DST: variants seen among roughly 807,000 people sequenced by gnomAD.
DST encodes the protein bullous pemphigoid antigen.
Under a neutral mutation model 875.2 loss-of-function variants are expected in DST, and 253 were observed. That is an observed-to-expected ratio of 0.29 (90% CI 0.26 to 0.32). DST has a LOEUF of 0.32. Ranked by LOEUF, DST falls within the 10% of genes least tolerant of loss-of-function variation. The pLI is 1.00. For missense variants in DST, 8,287 were observed against 9,111.6 expected (o/e 0.91, Z 3.68); for synonymous variants, 3,124 against 3,197.1 (o/e 0.98, Z 0.77).
chr6:56,700,715 T>C (rs1418529973), intron 8 of DST, among the ~76,000 whole-genome samples: 5 of 152,140 alleles, frequency 3.3e-5, no homozygotes, highest in Non-Finnish European at 5.9e-5. Context: ...TGAATTTAAA[T>C]ACTGAGAATT....
chr6:56,481,468 T>C (rs911027017), intron 90 of DST, among the ~76,000 whole-genome samples: 3 of 152,228 alleles, frequency 2.0e-5, no homozygotes, highest in African/African-American at 7.2e-5. Flanking sequence ...ACTTGGTTAG[T>C]TATTCAATAG....
At chr6:56,730,320 C>T (rs141879025) in intron 5 of DST, among the ~76,000 whole-genome samples, 332 of 152,236 alleles carry the variant, frequency 2.2e-3, no homozygotes, top group African/African-American at 7.5e-3. Flanking sequence ...CTAATGATAG[C>T]TGTTAACATA....
rs778787827 is a variant in DST at position 56,592,340 on chromosome 6, T to C, written c.12745A>G (p.Asn4249Asp). 6.3e-7 allele frequency: 1 copy of C among 1,597,242 alleles called. No homozygotes were observed. Among genetic ancestry groups the C allele is most frequent in the East Asian group, 2.2e-5 (1 of 44,476 alleles). ...TATTTATCCACCAGATCTTTAAGATTATTTCCAAGAACATTGCACTAACAA... is the reference window on the plus strand; with the variant it reads ...TATTTATCCACCAGATCTTTAAGATCATTTCCAAGAACATTGCACTAACAA... ...LYSKCNVLGN[N>D]LKDLVDKYQH... is the part of the protein sequence containing the mutation. The change falls in exon 49 of 104, where the codon AAT becomes GAT. Residue 4249 changes from asparagine (N) to aspartate (D), a missense_variant. Physicochemically the swap from Asn to Asp is conservative, Grantham distance 23. Coordinates refer to ENST00000680361, the MANE Select transcript of DST (RefSeq NM_001374736.1).
chr6:56,611,679 G>C (rs1026532969), intron 37 of DST, 83 bp from the exon 38 acceptor site: 1 of 1,009,532 alleles, frequency 9.9e-7, no homozygotes, highest in Non-Finnish European at 1.5e-6. Flanking sequence ...AATTAATCAA[G>C]CTTTAGTCAA....
intron 4 of DST, among the ~76,000 whole-genome samples, chr6:56,767,803 A>AG (rs1387795393): frequency 6.6e-6 from 1 of 152,218 alleles, no homozygotes; most frequent in East Asian, 1.9e-4. Flanking sequence ...CCCATTGAGA[A>AG]GGGGGGCATC....
At chr6:56,851,321 G>A (rs1008761372) in intron 4 of DST, 76 bp downstream of exon 4, 1 of 1,356,852 alleles carries the variant, frequency 7.4e-7, no homozygotes, top group South Asian at 1.3e-5. Context: ...CTCCCGCTAT[G>A]GCCCCCCAGG....
At chr6:56,479,434 A>G (rs2095325799) in intron 90 of DST, among the ~76,000 whole-genome samples, 1 of 152,318 alleles carries the variant, frequency 6.6e-6, no homozygotes, top group Admixed American at 6.5e-5. Context: ...GTATCTACCC[A>G]AAGGAAAAGA....
At chr6:56,531,488 C>T (rs2096894724) in intron 64 of DST, among the ~76,000 whole-genome samples, 1 of 152,148 alleles carries the variant, frequency 6.6e-6, no homozygotes, top group South Asian at 2.1e-4. Flanking sequence ...AGATTTTTCA[C>T]CTCTTTGGGA....
At chr6:56,697,626 A>C (rs1028496410) in intron 9 of DST, among the ~76,000 whole-genome samples, 4 of 152,222 alleles carry the variant, frequency 2.6e-5, no homozygotes, top group Non-Finnish European at 5.9e-5. Context: ...AAAAGAGCCA[A>C]GAACGAAACT....
At chr6:56,721,148 G>GCCCC (rs1390145956) in intron 5 of DST, among the ~76,000 whole-genome samples, 3 of 147,230 alleles carry the variant, frequency 2.0e-5, no homozygotes, top group Non-Finnish European at 4.5e-5. Flanking sequence ...GGCAGGGGCG[G>GCCCC]CCCCCCCCAC....
chr6:56,552,289 C>T lies in DST; in HGVS notation c.16503G>A (p.Leu5501=), dbSNP rs759882210. 1 of 1,613,990 alleles carries T rather than the reference C, an allele frequency of 6.2e-7. No homozygotes were observed. Among genetic ancestry groups the T allele is most frequent in the Non-Finnish European group, 8.5e-7 (1 of 1,179,878 alleles). Residue 5501 remains leucine (L), a synonymous_variant, in exon 61 of 104, where the codon TTG becomes TTA. Coordinates refer to ENST00000680361, the MANE Select transcript of DST (RefSeq NM_001374736.1). ...IKRLEEFYSK[L]KEFSILLQKA... is the part of the protein sequence containing the mutation. ...TCTGGAGCAGAATAGAAAATTCTTT[C>T]AATTTGCTGTAAAATTCTTCAAGGC...
At chr6:56,540,529 C>G (rs557776043) in intron 61 of DST, 1 of 152,752 alleles carries the variant, frequency 6.5e-6, no homozygotes, top group South Asian at 2.1e-4. Flanking sequence ...CTACATCACT[C>G]TCCCCTAGAT....
intron 3 of DST, among the ~76,000 whole-genome samples, chr6:56,855,257 C>T (rs1237472341): frequency 6.6e-6 from 1 of 152,168 alleles, no homozygotes; most frequent in African/African-American, 2.4e-5. Context: ...TTTACATAGA[C>T]TAATTAATAT....
At chr6:56,909,585 T>C (rs1043331067) in intron 2 of DST, among the ~76,000 whole-genome samples, 2 of 152,220 alleles carry the variant, frequency 1.3e-5, no homozygotes, top group African/African-American at 4.8e-5. Flanking sequence ...ATATTTGCTA[T>C]AGGAGTTTGC....
intron 49 of DST, among the ~76,000 whole-genome samples, chr6:56,584,900 T>A (rs1361877253): frequency 2.6e-5 from 4 of 152,168 alleles, no homozygotes; most frequent in Non-Finnish European, 5.9e-5. Context: ...TTACATTTAT[T>A]GATTTGTGTA....
chr6:56,578,915 C>G lies in DST; in HGVS notation c.12926G>C (p.Ser4309Thr), dbSNP rs996264313. Reference sequence around the variant, plus strand: ...CAGTTTCTCTACAGCAACCTGCTGACTTGATATCTGTCCTTGCAAAGCCTG... The same window carrying G: ...CAGTTTCTCTACAGCAACCTGCTGAGTTGATATCTGTCCTTGCAAAGCCTG... ...ETKALQGQIS[S>T]QQVAVEKLKK... is the part of the protein sequence containing the mutation. The change falls in exon 50 of 104, where the codon AGT becomes ACT. Residue 4309 changes from serine (S) to threonine (T), a missense_variant. Coordinates refer to ENST00000680361, the MANE Select transcript of DST (RefSeq NM_001374736.1). 6.2e-7 allele frequency: 1 copy of G among 1,600,198 alleles called. No homozygotes were observed. Among genetic ancestry groups the G allele is most frequent in the Admixed American group, 1.7e-5 (1 of 57,982 alleles).
intron 4 of DST, among the ~76,000 whole-genome samples, chr6:56,829,923 G>C (rs1340612163): frequency 6.6e-6 from 1 of 152,050 alleles, no homozygotes; most frequent in Non-Finnish European, 1.5e-5. Context: ...ATGAAAATCA[G>C]GTCTCCTCAG....
chr6:56,620,378 T>C (rs1210253434), intron 36 of DST: 1 of 1,614,204 alleles, frequency 6.2e-7, no homozygotes, highest in Admixed American at 1.7e-5. Flanking sequence ...TATGGTGAGC[T>C]GCCTCACCCG....
chr6:56,533,296 T>C (rs2096929688), intron 63 of DST, among the ~76,000 whole-genome samples: 1 of 152,242 alleles, frequency 6.6e-6, no homozygotes, highest in Admixed American at 6.5e-5. Context: ...AAATGGCTCA[T>C]GAGCAACTGC....
Sources: allele counts gnomAD v4.1 joint callset (sites outside exome capture counted in the v4.1 genomes callset), GRCh38; gene constraint gnomAD v4.1.1; transcripts MANE v1.5; gene names NCBI Gene and HGNC (gene_info 2026-07-23, HGNC 2026-07-21).